The following CTIF variants were observed in gnomAD, a reference collection of about 807,000 sequenced individuals.
The protein encoded by CTIF is CBP80/20-dependent translation initiation factor.
In CTIF, 21 loss-of-function variants were observed where a neutral mutation model predicts 66.0. The observed-to-expected ratio is 0.32, with a 90% confidence interval of 0.23 to 0.46. The LOEUF is 0.46. Among genes scored for constraint, CTIF ranks in the 20% least tolerant of loss-of-function variants. The pLI, the probability that CTIF is intolerant of heterozygous loss-of-function variation, is 1.00. For missense variants in CTIF, 739 were observed against 812.7 expected (o/e 0.91, Z 1.10); for synonymous variants, 345 against 326.4 (o/e 1.06, Z -0.62).
At chr18:48,746,374 G>A (rs2092596546) in intron 7 of CTIF, among the ~76,000 whole-genome samples, 1 of 151,822 alleles carries the variant, frequency 6.6e-6, no homozygotes, top group Admixed American at 6.6e-5. Context: ...GCTTATGTTT[G>A]GGACACCAGG....
intron 10 of CTIF, among the ~76,000 whole-genome samples, chr18:48,820,598 C>T (rs1221799536): frequency 6.6e-6 from 1 of 152,180 alleles, no homozygotes; most frequent in East Asian, 1.9e-4. Flanking sequence ...CACCCCAAGA[C>T]CCCCTGCTCA....
At chr18:48,812,832 A>G (rs994094981) in intron 9 of CTIF, among the ~76,000 whole-genome samples, 4 of 152,048 alleles carry the variant, frequency 2.6e-5, no homozygotes, top group Non-Finnish European at 5.9e-5. Context: ...GGACTTCCGG[A>G]ACACTGTGAA....
chr18:48,624,539 C>T (rs1330805023), intron 2 of CTIF, among the ~76,000 whole-genome samples: 1 of 152,152 alleles, frequency 6.6e-6, no homozygotes, highest in African/African-American at 2.4e-5. Flanking sequence ...AAAATTTTGG[C>T]ACATGTGATG....
intron 3 of CTIF, among the ~76,000 whole-genome samples, chr18:48,658,130 A>G (rs923579170): frequency 6.6e-6 from 1 of 151,950 alleles, no homozygotes; most frequent in Admixed American, 6.6e-5. Flanking sequence ...ATGTATGTGT[A>G]TGTGTGTGTG....
chr18:48,694,527 G>C (rs1430727110), intron 6 of CTIF, among the ~76,000 whole-genome samples: 1 of 152,214 alleles, frequency 6.6e-6, no homozygotes, highest in Non-Finnish European at 1.5e-5. Context: ...CTGCTACAGA[G>C]CCATGGTGGG....
In CTIF at chr18:48,863,031, C is replaced by G. The variant is rs1440443609; in HGVS notation, c.*3472C>G. 6.6e-6 allele frequency: 1 copy of G among 152,298 alleles called. No individual in the cohort carries two copies. Among genetic ancestry groups the G allele is most frequent in the African/African-American group, 2.4e-5 (1 of 41,468 alleles). The allele number at this position is 152,298 out of a possible 1,614,324, so 9.4% of individuals were successfully genotyped here. ...ACTCACACGGAAGGGCTGGCCGCCTCCCTGAGCCGGCTGGGAGTGGACGAC... is the reference window on the plus strand; with the variant it reads ...ACTCACACGGAAGGGCTGGCCGCCTGCCTGAGCCGGCTGGGAGTGGACGAC... On this transcript the variant is annotated 3_prime_UTR_variant, in exon 12 of 12. Coordinates refer to ENST00000256413, the MANE Select transcript of CTIF (RefSeq NM_014772.3).
intron 5 of CTIF, among the ~76,000 whole-genome samples, chr18:48,664,811 C>G (rs12607981): frequency 0.6 from 90,882 of 152,014 alleles, 30,277 homozygotes; most frequent in East Asian, 0.94. Flanking sequence ...CAGTAATCCA[C>G]GCCAGCGCAG....
chr18:48,727,734 C>T (rs1272648432), intron 7 of CTIF, among the ~76,000 whole-genome samples: 1 of 152,242 alleles, frequency 6.6e-6, no homozygotes, highest in Non-Finnish European at 1.5e-5. Context: ...AAAATCTTTA[C>T]AGAGCTTTTG....
At chr18:48,726,832 A>G (rs1453488557) in intron 7 of CTIF, among the ~76,000 whole-genome samples, 1 of 152,136 alleles carries the variant, frequency 6.6e-6, no homozygotes, top group Non-Finnish European at 1.5e-5. Context: ...ACTGGGGACA[A>G]TCTTAGAGGC....
intron 1 of CTIF, among the ~76,000 whole-genome samples, chr18:48,614,474 G>A (rs1285866682): frequency 1.3e-5 from 2 of 152,120 alleles, no homozygotes; most frequent in African/African-American, 2.4e-5. Context: ...TGGATGAATG[G>A]ATAAATAAAA....
Position 48,758,093 on chromosome 18 carries a change from C to G in CTIF, c.759C>G (p.Gly253=). The G allele has an allele frequency of 6.2e-7, 1 of 1,614,114 alleles. No individual in the cohort carries two copies. Among genetic ancestry groups the G allele is most frequent in the Non-Finnish European group, 8.5e-7 (1 of 1,180,006 alleles). ...GYSQNRRWHH[G]NMKHPPGDKG... is the part of the protein sequence containing the mutation. ...GCCAGAACCGGCGCTGGCACCATGGCAACATGAAGCACCCACCAGGCGACA... is the reference window on the plus strand; with the variant it reads ...GCCAGAACCGGCGCTGGCACCATGGGAACATGAAGCACCCACCAGGCGACA... The change falls in exon 8 of 12, where the codon GGC becomes GGG. Residue 253 remains glycine (G), a synonymous_variant. Coordinates refer to ENST00000256413, the MANE Select transcript of CTIF (RefSeq NM_014772.3).
chr18:48,852,990 C>T (rs573544558), intron 10 of CTIF, among the ~76,000 whole-genome samples: 3 of 152,152 alleles, frequency 2.0e-5, no homozygotes, highest in Admixed American at 6.5e-5. Context: ...ACCACATCCC[C>T]CTCACTCTCA....
chr18:48,693,842 G>A (rs1254322704), intron 6 of CTIF, among the ~76,000 whole-genome samples: 3 of 152,220 alleles, frequency 2.0e-5, no homozygotes, highest in Non-Finnish European at 4.4e-5. Flanking sequence ...CTGAGTCATT[G>A]TGACAAAGAC....
chr18:48,566,556 C>T (rs1338919334), intron 1 of CTIF: 1 of 152,194 alleles, frequency 6.6e-6, no homozygotes, highest in Non-Finnish European at 1.5e-5. Context: ...ATTGCCCTTA[C>T]AGGGGGTCTG....
chr18:48,556,203 G>A, intron 1 of CTIF, among the ~76,000 whole-genome samples: 1 of 152,144 alleles, frequency 6.6e-6, no homozygotes, highest in East Asian at 1.9e-4. Flanking sequence ...TGCCTTAGAT[G>A]GATTCTCAGC....
chr18:48,783,592 C>G (rs964443904), intron 9 of CTIF, among the ~76,000 whole-genome samples: 2 of 152,098 alleles, frequency 1.3e-5, no homozygotes, highest in South Asian at 4.1e-4. Context: ...CTGGGGAGGC[C>G]TCCGACCCTG....
intron 9 of CTIF, among the ~76,000 whole-genome samples, chr18:48,809,290 C>T (rs1201273215): frequency 6.6e-6 from 1 of 152,170 alleles, no homozygotes; most frequent in Non-Finnish European, 1.5e-5. Flanking sequence ...AGGCTTCTCT[C>T]AGATTTTCCA....
intron 10 of CTIF, among the ~76,000 whole-genome samples, chr18:48,828,604 A>T (rs2068629112): frequency 6.6e-6 from 1 of 152,226 alleles, no homozygotes; most frequent in Non-Finnish European, 1.5e-5. Context: ...ACCATTTTCC[A>T]GCCGGAATTC....
chr18:48,644,392 G>A (rs1261318621), intron 3 of CTIF, among the ~76,000 whole-genome samples: 7 of 152,184 alleles, frequency 4.6e-5, no homozygotes, highest in Non-Finnish European at 1.0e-4. Flanking sequence ...GTGGTCCTTC[G>A]GGCCTGGGTC....
Sources: gnomAD v4.1 joint callset for allele counts (sites outside exome capture counted in the v4.1 genomes callset) on GRCh38, gnomAD v4.1.1 for gene constraint, MANE v1.5 for transcripts, NCBI Gene and HGNC (gene_info 2026-07-23, HGNC 2026-07-21) for gene names.